Variants in CNTN4 observed in about 807,000 individuals in gnomAD.
CNTN4 encodes contactin-4.
A neutral mutation model predicts 122.5 loss-of-function variants in CNTN4; 77 were observed. The ratio of observed to expected loss-of-function variants is 0.63; its 90% confidence interval spans 0.52 to 0.76. The LOEUF is 0.76. Ranked by LOEUF, CNTN4 falls within the 30% of genes least tolerant of loss-of-function variation. The pLI, the probability that CNTN4 is intolerant of heterozygous loss-of-function variation, is 0.00. For synonymous variants in CNTN4, 512 were observed against 447.0 expected (o/e 1.15, Z -1.83); for missense variants, 1,256 against 1,259.1 (o/e 1.00, Z 0.04).
intron 3 of CNTN4, among the ~76,000 whole-genome samples, chr3:2,493,924 A>G (rs1196684545): frequency 1.3e-5 from 2 of 152,132 alleles, no homozygotes; most frequent in Admixed American, 6.5e-5. Flanking sequence ...GATCTTGAAG[A>G]TGAAAATGCT....
intron 3 of CNTN4, among the ~76,000 whole-genome samples, chr3:2,559,149 C>G (rs561004577): frequency 6.6e-6 from 1 of 152,260 alleles, no homozygotes; most frequent in South Asian, 2.1e-4. Flanking sequence ...CTGTCACATT[C>G]AGGGTTTCTG....
intron 7 of CNTN4, among the ~76,000 whole-genome samples, chr3:2,844,656 A>G (rs2093424311): frequency 6.6e-6 from 1 of 152,156 alleles, no homozygotes; most frequent in Non-Finnish European, 1.5e-5. Context: ...CTCTCTCTTA[A>G]TGGAATCAAC....
chr3:2,658,697 C>G (rs1364887952), intron 4 of CNTN4, among the ~76,000 whole-genome samples: 1 of 152,000 alleles, frequency 6.6e-6, no homozygotes, highest in Non-Finnish European at 1.5e-5. Context: ...TTAATATTAG[C>G]TCATAATCTG....
intron 13 of CNTN4, among the ~76,000 whole-genome samples, chr3:2,942,595 C>T (rs1246683082): frequency 6.6e-6 from 1 of 152,004 alleles, no homozygotes; most frequent in African/African-American, 2.4e-5. Context: ...TGAGGTAGGG[C>T]CAAATATAGA....
At chr3:2,340,710 T>TATATAGAGAGAGAGAGAGAGAGGGGGAG in intron 3 of CNTN4, among the ~76,000 whole-genome samples, 3 of 18,306 alleles carry the variant, frequency 1.6e-4, no homozygotes, top group African/African-American at 2.0e-4. Context: ...TATATATATA[T>TATATAGAGAGAGAGAGAGAGAGGGGGAG]AGAGAGAGAG....
At chr3:2,573,895 G>A (rs886706871) in intron 4 of CNTN4, among the ~76,000 whole-genome samples, 1 of 152,032 alleles carries the variant, frequency 6.6e-6, no homozygotes, top group Admixed American at 6.6e-5. Flanking sequence ...AATTTACATA[G>A]CACTCCACTC....
intron 13 of CNTN4, among the ~76,000 whole-genome samples, chr3:2,986,321 A>G (rs1027380195): frequency 1.3e-5 from 2 of 152,222 alleles, no homozygotes; most frequent in African/African-American, 2.4e-5. Flanking sequence ...CTATCAATCT[A>G]TAAGATGGAC....
intron 3 of CNTN4, among the ~76,000 whole-genome samples, chr3:2,373,238 G>T (rs886669871): frequency 1.3e-5 from 2 of 152,186 alleles, no homozygotes; most frequent in Non-Finnish European, 2.9e-5. Flanking sequence ...AAATCTGTGA[G>T]GTAGGCCCCA....
intron 10 of CNTN4, among the ~76,000 whole-genome samples, chr3:2,889,470 G>A (rs2094014284): frequency 6.6e-6 from 1 of 152,148 alleles, no homozygotes; most frequent in South Asian, 2.1e-4. Context: ...AGACACCACA[G>A]TTAACTGACT....
intron 6 of CNTN4, among the ~76,000 whole-genome samples, chr3:2,789,116 G>A (rs1008078256): frequency 5.9e-5 from 9 of 152,066 alleles, no homozygotes; most frequent in African/African-American, 2.2e-4. Context: ...ATGATCTCGG[G>A]AGCCCTAGGA....
chr3:2,297,042 A>G (rs150254153), intron 2 of CNTN4, among the ~76,000 whole-genome samples: 139 of 152,310 alleles, frequency 9.1e-4, no homozygotes, highest in African/African-American at 3.0e-3. Flanking sequence ...ATTATTTTCA[A>G]TTTGGATGAA....
At chr3:2,157,412 T>C (rs2035767875) in intron 2 of CNTN4, among the ~76,000 whole-genome samples, 1 of 152,112 alleles carries the variant, frequency 6.6e-6, no homozygotes, top group Non-Finnish European at 1.5e-5. Context: ...CAAAAGTGTA[T>C]GGGATTATTC....
chr3:2,630,969 A>G (rs964166543), intron 4 of CNTN4, among the ~76,000 whole-genome samples: 13 of 152,142 alleles, frequency 8.5e-5, no homozygotes, highest in Non-Finnish European at 1.6e-4. Context: ...TCAGTTGACC[A>G]AGTTATAAAA....
At chr3:2,219,117 T>C (rs1317713166) in intron 2 of CNTN4, among the ~76,000 whole-genome samples, 1 of 152,236 alleles carries the variant, frequency 6.6e-6, no homozygotes, top group Non-Finnish European at 1.5e-5. Flanking sequence ...CTTAGATTCA[T>C]AGAAATGGTG....
intron 3 of CNTN4, among the ~76,000 whole-genome samples, chr3:2,353,027 G>C (rs2044702988): frequency 6.6e-6 from 1 of 151,902 alleles, no homozygotes; most frequent in South Asian, 2.1e-4. Context: ...ACTCTGTCTA[G>C]CTCAAGGTTT....
At chr3:2,732,437 GCTCTTTAC>G (rs2088765356) in intron 4 of CNTN4, among the ~76,000 whole-genome samples, 1 of 151,584 alleles carries the variant, frequency 6.6e-6, no homozygotes, top group African/African-American at 2.4e-5. Flanking sequence ...TTGCTGCGAT[GCTCTTTAC>G]CTCTTTAGAC....
chr3:2,406,002 A>T (rs2047022332), intron 3 of CNTN4, among the ~76,000 whole-genome samples: 1 of 151,940 alleles, frequency 6.6e-6, no homozygotes, highest in South Asian at 2.1e-4. Context: ...ACTCCAGCCT[A>T]GATGACAGAG....
intron 3 of CNTN4, among the ~76,000 whole-genome samples, chr3:2,544,473 G>T (rs532185383): frequency 1.3e-5 from 2 of 151,896 alleles, no homozygotes; most frequent in Non-Finnish European, 2.9e-5. Flanking sequence ...CATTCTGATG[G>T]GATACAAAAA....
At chr3:2,196,590 C>T (rs1199836286) in intron 2 of CNTN4, among the ~76,000 whole-genome samples, 1 of 152,116 alleles carries the variant, frequency 6.6e-6, no homozygotes, top group Non-Finnish European at 1.5e-5. Flanking sequence ...ATTCATTCAT[C>T]ATTCAACAGT....
Sources: allele counts gnomAD v4.1 joint callset (sites outside exome capture counted in the v4.1 genomes callset), GRCh38; gene constraint gnomAD v4.1.1; transcripts MANE v1.5; gene names NCBI Gene and HGNC (gene_info 2026-07-23, HGNC 2026-07-21).